ELAVL2: variants seen among roughly 807,000 people sequenced by gnomAD.
The protein encoded by ELAVL2 is ELAV like RNA binding protein 2, also known as ELAV-like protein 2.
A neutral mutation model predicts 34.6 loss-of-function variants in ELAVL2; 4 were observed. The observed-to-expected ratio is 0.12, with a 90% CI of 0.06 to 0.26. The LOEUF (loss-of-function observed/expected upper bound fraction) is 0.26, where lower values mean the gene tolerates loss of function less well. Among genes scored for constraint, ELAVL2 ranks in the 10% least tolerant of loss-of-function variants. ELAVL2 has a pLI of 1.00. For missense variants in ELAVL2, 432 were observed against 442.8 expected, an observed-to-expected ratio of 0.98 and a Z score of 0.22; for synonymous variants, 193 against 154.8, an observed-to-expected ratio of 1.25 and a Z score of -1.83.
chr9:23,850,347 C>T, the ELAVL2 span, among the ~76,000 whole-genome samples: 1 of 151,742 alleles, frequency 6.6e-6, no homozygotes, highest in Non-Finnish European at 1.5e-5. Flanking sequence ...CTGCCACAGT[C>T]TTCCACTGCC....
chr9:23,833,619 G>GT, the ELAVL2 span, among the ~76,000 whole-genome samples: 3 of 151,606 alleles, frequency 2.0e-5, no homozygotes, highest in African/African-American at 7.2e-5. Flanking sequence ...AAATAATCTT[G>GT]TTTTTTTATA....
chr9:23,830,748 G>A (rs1471942380), upstream of ELAVL2, among the ~76,000 whole-genome samples: 1 of 151,696 alleles, frequency 6.6e-6, no homozygotes. Context: ...TATATTTGCA[G>A]CCTCAGATCG....
chr9:23,835,885 A>G, the ELAVL2 span, among the ~76,000 whole-genome samples: 1 of 152,194 alleles, frequency 6.6e-6, no homozygotes, highest in Admixed American at 6.5e-5. Flanking sequence ...TCAAGCTTCA[A>G]TAGGCGTCTG....
At chr9:23,830,927 G>A (rs562832859), upstream of ELAVL2, among the ~76,000 whole-genome samples, 2 of 152,184 alleles carry the variant, frequency 1.3e-5, no homozygotes, top group Non-Finnish European at 2.9e-5. Flanking sequence ...AAACCCGGAG[G>A]TGAAAAAGGG....
chr9:23,785,942 C>A (rs759308981), intron 1 of ELAVL2, among the ~76,000 whole-genome samples: 1 of 152,162 alleles, frequency 6.6e-6, no homozygotes, highest in African/African-American at 2.4e-5. Context: ...CTTTTCGGTA[C>A]TTGAAGGTCA....
At chr9:23,746,695 C>T (rs1019669209) in intron 2 of ELAVL2, among the ~76,000 whole-genome samples, 1 of 151,876 alleles carries the variant, frequency 6.6e-6, no homozygotes, top group African/African-American at 2.4e-5. Flanking sequence ...AGCTTTTTCC[C>T]ATCAGCAATA....
At chr9:23,735,086 T>C (rs1364604491) in intron 2 of ELAVL2, among the ~76,000 whole-genome samples, 1 of 40,406 alleles carries the variant, frequency 2.5e-5, no homozygotes, top group Non-Finnish European at 4.7e-5. Context: ...CTGACCAAAA[T>C]GACAAAGCTA....
intron 2 of ELAVL2, among the ~76,000 whole-genome samples, chr9:23,761,133 C>T (rs1490914337): frequency 6.6e-6 from 1 of 151,996 alleles, no homozygotes; most frequent in Non-Finnish European, 1.5e-5. Flanking sequence ...TTCAAATATT[C>T]CATTTTATAT....
At chr9:23,798,473 C>CA (rs1194590516) in intron 1 of ELAVL2, among the ~76,000 whole-genome samples, 2 of 152,146 alleles carry the variant, frequency 1.3e-5, no homozygotes, top group East Asian at 1.9e-4. Flanking sequence ...ACCTACATCT[C>CA]AGAGTTTTGT....
rs183708869 is a variant in ELAVL2, at chr9:23,732,514, T to C, written c.230-1389A>G. Among the ~76,000 whole-genome samples, 5 of 152,332 alleles carry C rather than the reference T, an allele frequency of 3.3e-5. No homozygotes were observed. The East Asian group carries it at 9.6e-4, about 29-fold the overall frequency. On this transcript the variant is annotated intron_variant, in intron 2 of 6. Transcript: ENST00000397312. ...TTGAGGTTTTATTTTACAGTTCTAGTAAAGAGTCACATGTGAAGCCACTGT... is the reference window on the plus strand; with the variant it reads ...TTGAGGTTTTATTTTACAGTTCTAGCAAAGAGTCACATGTGAAGCCACTGT...
chr9:23,815,059 G>A (rs1296639281), intron 1 of ELAVL2, among the ~76,000 whole-genome samples: 1 of 152,036 alleles, frequency 6.6e-6, no homozygotes. Context: ...TCAGCAATGA[G>A]GGGAAAAAAA....
intron 3 of ELAVL2, among the ~76,000 whole-genome samples, chr9:23,724,356 A>C (rs753320768): frequency 1.8e-4 from 27 of 152,172 alleles, no homozygotes; most frequent in Admixed American, 5.2e-4. Context: ...AAGAATGCCT[A>C]GTTATTGCCC....
chr9:23,789,016 A>G (rs182056521), intron 1 of ELAVL2, among the ~76,000 whole-genome samples: 1 of 152,336 alleles, frequency 6.6e-6, no homozygotes, highest in Admixed American at 6.5e-5. Context: ...CTGCCATCCA[A>G]GCAAAAGAAA....
chr9:23,692,813 C>T lies in ELAVL2; in HGVS notation c.824G>A (p.Gly275Glu). ...GINIPGHPGTGWCIFVYNLAP... is the reference protein window; with the variant it reads ...GINIPGHPGTEWCIFVYNLAP... ...CAGGTTGTACACAAATATACACCACCCTGTTCCAGGGTGCCCAGGGATATT... is the reference window on the plus strand; with the variant it reads ...CAGGTTGTACACAAATATACACCACTCTGTTCCAGGGTGCCCAGGGATATT... The change falls in exon 7 of 7, where the codon GGG (glycine) becomes GAG (glutamate). Residue 275 changes from glycine (G) to glutamate (E), a missense_variant. By Grantham distance (98) the Gly-to-Glu change is moderately conservative. Transcript: ENST00000397312. 1 of 1,614,160 alleles carries T rather than the reference C, an allele frequency of 6.2e-7. No individual in the cohort carries two copies. The highest frequency in any genetic ancestry group is 1.1e-5 in the South Asian group (1 of 91,078).
chr9:23,706,770 A>G (rs1010430458), intron 3 of ELAVL2, among the ~76,000 whole-genome samples: 13 of 152,316 alleles, frequency 8.5e-5, no homozygotes, highest in Non-Finnish European at 1.6e-4. Flanking sequence ...TAATACTTAA[A>G]TAACTTTTAG....
chr9:23,704,969 A>T lies in ELAVL2; in HGVS notation c.436T>A (p.Ser146Thr). The change falls in exon 4 of 7, where the codon TCA becomes ACA. Residue 146 changes from serine (S) to threonine (T), a missense_variant. Physicochemically the swap from Ser to Thr is moderately conservative, Grantham distance 58. Around this residue, in one of 3 missense-constraint regions of ELAVL2, gnomAD observed 295 missense variants for 306.1 expected, o/e 0.96. Coordinates refer to ENST00000397312, the MANE Select transcript of ELAVL2 (RefSeq NM_004432.5). ...GAAGTAATAATGCGTCCATATTGTGAAAAAAGCTGTTCCAACTCCTTCTGG... is the reference window on the plus strand; with the variant it reads ...GAAGTAATAATGCGTCCATATTGTGTAAAAAGCTGTTCCAACTCCTTCTGG... ...MTQKELEQLF[S>T]QYGRIITSRI... The T allele has an allele frequency of 6.2e-7, 1 of 1,614,150 alleles. No individual in the cohort carries two copies. Among genetic ancestry groups the T allele is most frequent in the South Asian group, 1.1e-5 (1 of 91,084 alleles).
the ELAVL2 span, among the ~76,000 whole-genome samples, chr9:23,834,515 A>G: frequency 6.6e-6 from 1 of 152,060 alleles, no homozygotes; most frequent in African/African-American, 2.4e-5. Context: ...TGTAATCATA[A>G]GTATAAAATA....
intron 1 of ELAVL2, among the ~76,000 whole-genome samples, chr9:23,789,688 A>G (rs2060112089): frequency 6.6e-6 from 1 of 152,202 alleles, no homozygotes; most frequent in Non-Finnish European, 1.5e-5. Context: ...CTGAATGGCA[A>G]GAAATTGCTT....
chr9:23,812,446 C>A (rs991397349), intron 1 of ELAVL2, among the ~76,000 whole-genome samples: 1 of 152,062 alleles, frequency 6.6e-6, no homozygotes, highest in Non-Finnish European at 1.5e-5. Context: ...GGGAATGACT[C>A]CCAATCTTTA....
Sources: gnomAD v4.1 joint callset for allele counts (sites outside exome capture counted in the v4.1 genomes callset) on GRCh38, gnomAD v4.1.1 for gene constraint, gnomAD v4.1.1 regional missense constraint, MANE v1.5 for transcripts, NCBI Gene and HGNC (gene_info 2026-07-23, HGNC 2026-07-21) for gene names.